NR1H4: variants seen among roughly 807,000 people sequenced by gnomAD.
The protein encoded by NR1H4 is bile acid receptor.
In NR1H4, 23 loss-of-function variants were observed where a neutral mutation model predicts 58.5. The observed-to-expected ratio is 0.39, with a 90% CI of 0.28 to 0.56. The LOEUF is 0.56. Ranked by LOEUF, NR1H4 falls within the 20% of genes least tolerant of loss-of-function variation. The probability of loss-of-function intolerance (pLI) is 0.58; values close to 1 mark genes in which losing one functional copy is unlikely to be tolerated. For synonymous variants in NR1H4, 214 were observed against 198.0 expected, an observed-to-expected ratio of 1.08 and a Z score of -0.68; for missense variants, 487 against 576.9, an observed-to-expected ratio of 0.84 and a Z score of 1.60.
rs1955484555 is a variant in NR1H4 at position 100,561,916 on chromosome 12, T to C, written c.1110T>C (p.Phe370=). The C allele has an allele frequency of 6.6e-7, 1 of 1,517,916 alleles. No homozygotes were observed. Among genetic ancestry groups the C allele is most frequent in the Non-Finnish European group, 9.2e-7 (1 of 1,092,644 alleles). The allele number at this position is 1,517,916 out of a possible 1,614,324, so 94.0% of individuals were successfully genotyped here. Residue 370 remains phenylalanine, a synonymous_variant, in exon 10 of 11, where the codon TTT becomes TTC. Transcript: ENST00000392986. ...CTGATGAATATATAACACCTATGTTTAGTTTTTATAAAAGTATTGGGGAAC... is the reference window on the plus strand; with the variant it reads ...CTGATGAATATATAACACCTATGTTCAGTTTTTATAAAAGTATTGGGGAAC... ...GISDEYITPM[F]SFYKSIGELK...
intron 1 of NR1H4, among the ~76,000 whole-genome samples, chr12:100,489,514 G>A (rs1593043587): frequency 6.6e-6 from 1 of 152,130 alleles, no homozygotes; most frequent in Non-Finnish European, 1.5e-5. Flanking sequence ...TAATTTCCAT[G>A]TGTCATAAAA....
chr12:100,504,679 C>CT (rs1397014828), intron 3 of NR1H4, among the ~76,000 whole-genome samples: 2 of 152,160 alleles, frequency 1.3e-5, no homozygotes, highest in African/African-American at 4.8e-5. Context: ...GCACTACATT[C>CT]TTTCAGCTTT....
At position 100,561,906 on chromosome 12, in the gene NR1H4, C is replaced by A. The variant is rs562664052; in HGVS notation, c.1100C>A (p.Thr367Lys). 3 of 1,447,154 alleles carry A rather than the reference C, an allele frequency of 2.1e-6. No homozygotes were observed. Among genetic ancestry groups the A allele is most frequent in the South Asian group, 1.1e-5 (1 of 87,758 alleles). The allele number at this position is 1,447,154 out of a possible 1,614,324, so 89.6% of individuals were successfully genotyped here. Residue 367 changes from threonine to lysine, a missense_variant, in exon 10 of 11, where the codon ACA becomes AAA. Thr to Lys is a moderately conservative substitution (Grantham distance 78). Coordinates refer to ENST00000392986, the MANE Select transcript of NR1H4 (RefSeq NM_001206979.2). ...ACAGGTATCTCTGATGAATATATAA[C>A]ACCTATGTTTAGTTTTTATAAAAGT... Reference protein sequence around the residue: ...RNSGISDEYITPMFSFYKSIG... With the variant: ...RNSGISDEYIKPMFSFYKSIG...
chr12:100,537,582 A>G (rs1375071587), intron 8 of NR1H4, among the ~76,000 whole-genome samples: 1 of 152,220 alleles, frequency 6.6e-6, no homozygotes, highest in Non-Finnish European at 1.5e-5. Context: ...CTGGTTGCTA[A>G]TTGTGTCTAG....
intron 5 of NR1H4, among the ~76,000 whole-genome samples, chr12:100,533,414 T>C (rs1954740845): frequency 6.6e-6 from 1 of 152,186 alleles, no homozygotes; most frequent in East Asian, 1.9e-4. Context: ...GTTCTATTGT[T>C]ACCAAACTGT....
At chr12:100,502,398 G>T (rs908575395) in intron 3 of NR1H4, among the ~76,000 whole-genome samples, 1 of 152,140 alleles carries the variant, frequency 6.6e-6, no homozygotes, top group Non-Finnish European at 1.5e-5. Flanking sequence ...GCTGTGGGTG[G>T]AGGATGTGCT....
chr12:100,522,371 A>G (rs369048345), intron 4 of NR1H4, among the ~76,000 whole-genome samples: 22 of 152,278 alleles, frequency 1.4e-4, no homozygotes, highest in African/African-American at 4.8e-4. Context: ...GTAGATTGTC[A>G]TGAGGATTAA....
At chr12:100,484,422 AG>A (rs1385006178) in intron 1 of NR1H4, among the ~76,000 whole-genome samples, 1 of 152,240 alleles carries the variant, frequency 6.6e-6, no homozygotes, top group African/African-American at 2.4e-5. Flanking sequence ...TGGGAGTCCA[AG>A]CTACCAGTAA....
intron 1 of NR1H4, among the ~76,000 whole-genome samples, chr12:100,490,338 C>G (rs187077528): frequency 6.6e-6 from 1 of 151,940 alleles, no homozygotes; most frequent in African/African-American, 2.4e-5. Flanking sequence ...GAACATGGCT[C>G]AAGGTTAAAA....
intron 4 of NR1H4, among the ~76,000 whole-genome samples, chr12:100,515,228 T>TGATCTCCACTCACGGCAAC (rs1566448715): frequency 2.1e-5 from 3 of 144,754 alleles, no homozygotes; most frequent in Non-Finnish European, 3.0e-5. Flanking sequence ...TGGAGGGCAA[T>TGATCTCCACTCACGGCAAC]GGCATGATCT....
At chr12:100,553,145 C>G (rs545328232) in intron 9 of NR1H4, among the ~76,000 whole-genome samples, 1 of 152,204 alleles carries the variant, frequency 6.6e-6, no homozygotes, top group South Asian at 2.1e-4. Flanking sequence ...ACTACAGGCG[C>G]GTGCCACCAC....
chr12:100,495,677 C>T (rs1047557140), intron 3 of NR1H4, among the ~76,000 whole-genome samples: 1 of 151,680 alleles, frequency 6.6e-6, no homozygotes, highest in South Asian at 2.1e-4. Flanking sequence ...TGCAGTGAGT[C>T]GAGATCGCGC....
At position 100,563,483 on chromosome 12, in the gene NR1H4, G is replaced by A. The variant is rs1955520617; in HGVS notation, c.1425G>A (p.Val475=). ...CACTTCTCTGTGAAATCTGGGACGT[G>A]CAGTGATGGGGATTACAGGGGAGGG... The part of the protein sequence containing the change: ...FTPLLCEIWD[V]Q Residue 475 remains valine (V), a synonymous_variant, in exon 11 of 11, where the codon GTG becomes GTA. Coordinates refer to ENST00000392986, the MANE Select transcript of NR1H4 (RefSeq NM_001206979.2). 2 of 1,612,564 alleles carry A rather than the reference G, an allele frequency of 1.2e-6. No individual in the cohort carries two copies. The highest frequency in any genetic ancestry group is 8.5e-7 in the Non-Finnish European group (1 of 1,178,546).
rs150008925 is a variant in NR1H4, at chr12:100,512,987, T to C, written c.445+1844T>C. Among the ~76,000 whole-genome samples, 5 of 152,306 alleles carry C rather than the reference T, an allele frequency of 3.3e-5. No individual in the cohort carries two copies. The East Asian group carries it at 7.7e-4, about 24-fold the overall frequency. On this transcript the variant is annotated intron_variant, in intron 4 of 10. Transcript: ENST00000392986. ...CACTTCTTAAAAACTGGGTATGATA[T>C]TGTTAGAATTTTTTTTAAATAAAGA...
At chr12:100,479,222 A>G (rs147120101) in intron 1 of NR1H4, among the ~76,000 whole-genome samples, 247 of 152,166 alleles carry the variant, frequency 1.6e-3, no homozygotes, top group Admixed American at 0.013. Flanking sequence ...TTACATTTCA[A>G]CGTTCTCAAA....
At chr12:100,537,110 A>G in intron 8 of NR1H4, 63 bp downstream of exon 8, 1 of 997,940 alleles carries the variant, frequency 1.0e-6, no homozygotes, top group Non-Finnish European at 1.6e-6. Flanking sequence ...CACAGATTAG[A>G]TTACCTATTT....
chr12:100,526,645 C>T (rs1954565150), intron 4 of NR1H4, among the ~76,000 whole-genome samples: 1 of 152,224 alleles, frequency 6.6e-6, no homozygotes, highest in South Asian at 2.1e-4. Flanking sequence ...AACTCAGCCA[C>T]AGTCCAGCAT....
intron 4 of NR1H4, among the ~76,000 whole-genome samples, chr12:100,511,687 C>T (rs559280191): frequency 7.8e-4 from 115 of 147,178 alleles, no homozygotes; most frequent in African/African-American, 1.7e-3. Context: ...TTTGGGAGGC[C>T]GAGGCAGGCA....
At chr12:100,486,747 A>T (rs985557736) in intron 1 of NR1H4, among the ~76,000 whole-genome samples, 1 of 152,218 alleles carries the variant, frequency 6.6e-6, no homozygotes, top group Non-Finnish European at 1.5e-5. Flanking sequence ...ATGGAAAACT[A>T]AAGTCTTAAA....
Sources: allele counts gnomAD v4.1 joint callset (sites outside exome capture counted in the v4.1 genomes callset), GRCh38; gene constraint gnomAD v4.1.1; transcripts MANE v1.5; gene names NCBI Gene and HGNC (gene_info 2026-07-23, HGNC 2026-07-21).